The following ANKRD30B variants were observed in gnomAD, a reference collection of about 807,000 sequenced individuals.
ANKRD30B encodes the protein ankyrin repeat domain 30B.
In ANKRD30B, 144 loss-of-function variants were observed where a neutral mutation model predicts 202.2. That is an observed-to-expected ratio of 0.71 (90% CI 0.62 to 0.82). ANKRD30B has a LOEUF of 0.82. ANKRD30B is among the 40% of genes least tolerant of loss of function. The pLI is 0.00. For synonymous variants in ANKRD30B, 508 were observed against 561.3 expected (o/e 0.91, Z 1.34); for missense variants, 1,487 against 1,669.1 (o/e 0.89, Z 1.90).
chr18:14,911,235 T>G, the ANKRD30B span, among the ~76,000 whole-genome samples: 6 of 152,280 alleles, frequency 3.9e-5, no homozygotes, highest in South Asian at 1.0e-3. Flanking sequence ...TAGATTTTCT[T>G]CTAAGAGTTT....
intron 16 of ANKRD30B, 66 bp downstream of exon 16, chr18:14,791,557 T>C: frequency 8.5e-6 from 10 of 1,170,586 alleles, no homozygotes; most frequent in Non-Finnish European, 1.2e-5. Flanking sequence ...TGAGGAAGGA[T>C]ATCCTCTAAT....
At chr18:14,910,484 A>AATATATAT in the ANKRD30B span, among the ~76,000 whole-genome samples, 8 of 147,624 alleles carry the variant, frequency 5.4e-5, no homozygotes, top group African/African-American at 2.0e-4. Flanking sequence ...ACAATGTAAA[A>AATATATAT]ATATATATAT....
At chr18:14,908,760 G>A in the ANKRD30B span, among the ~76,000 whole-genome samples, 1 of 152,182 alleles carries the variant, frequency 6.6e-6, no homozygotes, top group African/African-American at 2.4e-5. Context: ...GCCAATGCTG[G>A]GAGAGAATTG....
chr18:14,835,065 T>G (rs184190073), intron 34 of ANKRD30B, among the ~76,000 whole-genome samples: 1 of 151,990 alleles, frequency 6.6e-6, no homozygotes, highest in East Asian at 1.9e-4. Flanking sequence ...TGGTAGCTGT[T>G]TTGAATATTT....
the ANKRD30B span, among the ~76,000 whole-genome samples, chr18:14,880,121 C>T: frequency 6.6e-6 from 1 of 152,044 alleles, no homozygotes; most frequent in East Asian, 1.9e-4. Flanking sequence ...ATCCCAACAT[C>T]ATGTGTTGAA....
intron 16 of ANKRD30B, among the ~76,000 whole-genome samples, 151 bp downstream of exon 16, chr18:14,791,642 A>T (rs1968517430): frequency 2.0e-5 from 3 of 152,182 alleles, no homozygotes; most frequent in African/African-American, 4.8e-5. Flanking sequence ...TATACGTCTT[A>T]TCAGGTGTTG....
chr18:14,764,195 A>C, intron 7 of ANKRD30B, 105 bp downstream of exon 7: 1 of 1,130,884 alleles, frequency 8.8e-7, no homozygotes, highest in Non-Finnish European at 1.2e-6. Flanking sequence ...TATCTAAATA[A>C]GGCAAGCTTA....
intron 39 of ANKRD30B, among the ~76,000 whole-genome samples, chr18:14,847,715 T>C (rs1173028755): frequency 6.6e-6 from 1 of 151,726 alleles, no homozygotes; most frequent in Non-Finnish European, 1.5e-5. Flanking sequence ...TTTTATGAGC[T>C]GACTCCCCAC....
chr18:14,898,627 T>A, the ANKRD30B span, among the ~76,000 whole-genome samples: 1 of 152,178 alleles, frequency 6.6e-6, no homozygotes, highest in Non-Finnish European at 1.5e-5. Context: ...ATTCGATTCC[T>A]TTTTTACTGA....
At chr18:14,796,018 A>C (rs1196106888) in intron 16 of ANKRD30B, among the ~76,000 whole-genome samples, 1 of 152,104 alleles carries the variant, frequency 6.6e-6, no homozygotes, top group African/African-American at 2.4e-5. Context: ...AGTTTGATGA[A>C]GGTTATTTTT....
chr18:14,758,775 A>G (rs1914784340), intron 5 of ANKRD30B, among the ~76,000 whole-genome samples: 1 of 152,186 alleles, frequency 6.6e-6, no homozygotes, highest in Non-Finnish European at 1.5e-5. Context: ...AGCAAATATT[A>G]GTTGTGAAAG....
At position 14,799,248 on chromosome 18, in the gene ANKRD30B, T is replaced by C. The variant is rs768590556; in HGVS notation, c.2084T>C (p.Leu695Pro). Residue 695 changes from leucine to proline, a missense_variant, in exon 22 of 44, where the codon CTT becomes CCT. By Grantham distance (98) the Leu-to-Pro change is moderately conservative. Transcript: ENST00000690538. ...LKPTCGRKVSLPNKALELKDR... is the reference protein window; with the variant it reads ...LKPTCGRKVSPPNKALELKDR... The stretch of plus-strand genomic sequence containing the variant: ...CCTACCTGTGGAAGGAAAGTTTCTC[T>C]TCCAAATAAAGCTTTAGAATTGAAG... 34 of 1,559,212 alleles carry C rather than the reference T, an allele frequency of 2.2e-5. No individual in the cohort carries two copies. Among genetic ancestry groups the C allele is most frequent in the Non-Finnish European group, 2.9e-5 (34 of 1,154,030 alleles).
intron 15 of ANKRD30B, among the ~76,000 whole-genome samples, chr18:14,789,097 T>G (rs1161548048): frequency 1.3e-5 from 2 of 152,122 alleles, no homozygotes; most frequent in African/African-American, 4.8e-5. Flanking sequence ...CTAACTGGTG[T>G]GAGATGGTAT....
intron 7 of ANKRD30B, among the ~76,000 whole-genome samples, chr18:14,768,104 C>A (rs1282222212): frequency 6.6e-6 from 1 of 151,968 alleles, no homozygotes; most frequent in Non-Finnish European, 1.5e-5. Flanking sequence ...TCAGCCCCAC[C>A]CCTCAACCTC....
intron 16 of ANKRD30B, 55 bp from the exon 17 acceptor site, chr18:14,796,166 G>C (rs1968873682): frequency 1.3e-6 from 2 of 1,483,650 alleles, no homozygotes; most frequent in South Asian, 1.1e-5. Flanking sequence ...ACGAATGCTT[G>C]GTAGGCTTTG....
chr18:14,929,163 G>A, the ANKRD30B span, among the ~76,000 whole-genome samples: 1 of 152,154 alleles, frequency 6.6e-6, no homozygotes, highest in Non-Finnish European at 1.5e-5. Flanking sequence ...GTCCGTCCTT[G>A]TTTCTTAGAG....
At chr18:14,753,720 C>A (rs183762176) in intron 3 of ANKRD30B, among the ~76,000 whole-genome samples, 135 of 152,080 alleles carry the variant, frequency 8.9e-4, no homozygotes, top group African/African-American at 3.2e-3. Context: ...AAATAATAAT[C>A]TTTTATTAGA....
intron 14 of ANKRD30B, among the ~76,000 whole-genome samples, chr18:14,784,925 T>A (rs1445964515): frequency 6.6e-6 from 1 of 152,208 alleles, no homozygotes; most frequent in Non-Finnish European, 1.5e-5. Flanking sequence ...ACTTGTGTTT[T>A]AATATTAATT....
chr18:14,766,487 A>AG (rs1259231955), intron 7 of ANKRD30B, among the ~76,000 whole-genome samples: 2 of 148,286 alleles, frequency 1.3e-5, no homozygotes, highest in South Asian at 4.3e-4. Context: ...AAAAAAAAAA[A>AG]AAAAAAAAAA....
Sources: gnomAD v4.1 joint callset for allele counts (sites outside exome capture counted in the v4.1 genomes callset) on GRCh38, gnomAD v4.1.1 for gene constraint, MANE v1.5 for transcripts, NCBI Gene and HGNC (gene_info 2026-07-23, HGNC 2026-07-21) for gene names.